Variants in EBF1 observed in about 807,000 individuals in gnomAD.
The protein encoded by EBF1 is transcription factor COE1.
EBF1 carries 10 observed loss-of-function variants against 68.4 expected under a neutral mutation model. The observed-to-expected ratio is 0.15, with a 90% confidence interval of 0.09 to 0.25. EBF1 has a LOEUF of 0.25. Among genes scored for constraint, EBF1 ranks in the 10% least tolerant of loss-of-function variants. The pLI is 1.00. For missense variants in EBF1, 509 were observed against 794.4 expected, an observed-to-expected ratio of 0.64 and a Z score of 4.32; for synonymous variants, 298 against 299.8, an observed-to-expected ratio of 0.99 and a Z score of 0.06.
chr5:158,840,461 T>G (rs79928739), intron 6 of EBF1, among the ~76,000 whole-genome samples: 7,755 of 152,238 alleles, frequency 0.051, 284 homozygotes, highest in East Asian at 0.16. Context: ...AACGACAACA[T>G]GCAGTTTAAG....
intron 9 of EBF1, among the ~76,000 whole-genome samples, chr5:158,782,876 T>G (rs901790795): frequency 3.3e-5 from 5 of 152,252 alleles, no homozygotes; most frequent in African/African-American, 1.2e-4. Context: ...GTTTTCTACC[T>G]AAGTTGCTTT....
At chr5:158,744,821 C>G (rs1435803817) in intron 10 of EBF1, among the ~76,000 whole-genome samples, 1 of 152,170 alleles carries the variant, frequency 6.6e-6, no homozygotes, top group African/African-American at 2.4e-5. Context: ...TGATGATAAA[C>G]CTTGAGCTGA....
chr5:158,752,414 T>G (rs1769122404), intron 10 of EBF1, among the ~76,000 whole-genome samples: 1 of 150,872 alleles, frequency 6.6e-6, no homozygotes, highest in African/African-American at 2.4e-5. Context: ...GCAGAAAGCT[T>G]TAGAAATGGA....
chr5:158,782,488 G>A (rs1015775017), intron 9 of EBF1, among the ~76,000 whole-genome samples: 3 of 151,482 alleles, frequency 2.0e-5, no homozygotes, highest in African/African-American at 7.3e-5. Context: ...GTAAGACCCT[G>A]TCTCTACAAA....
chr5:159,098,003 A>T (rs1439522687), intron 1 of EBF1, among the ~76,000 whole-genome samples: 4 of 152,086 alleles, frequency 2.6e-5, no homozygotes, highest in African/African-American at 9.7e-5. Flanking sequence ...CCAGTTACCC[A>T]ATTCACTCTC....
At chr5:158,924,954 G>T (rs913512487) in intron 6 of EBF1, among the ~76,000 whole-genome samples, 1 of 151,444 alleles carries the variant, frequency 6.6e-6, no homozygotes, top group Non-Finnish European at 1.5e-5. Flanking sequence ...GCTTTTAGAA[G>T]GAAATCCAAT....
chr5:158,899,714 C>G (rs897765209), intron 6 of EBF1, among the ~76,000 whole-genome samples: 1 of 152,174 alleles, frequency 6.6e-6, no homozygotes, highest in East Asian at 1.9e-4. Flanking sequence ...ACTACACAGC[C>G]AAGCCTCTTC....
At chr5:159,092,575 A>G (rs1781845500) in intron 4 of EBF1, among the ~76,000 whole-genome samples, 1 of 152,222 alleles carries the variant, frequency 6.6e-6, no homozygotes, top group Non-Finnish European at 1.5e-5. Flanking sequence ...TTCTATCTCA[A>G]TGCTGCTAAT....
intron 8 of EBF1, among the ~76,000 whole-genome samples, chr5:158,805,584 G>T (rs1340526261): frequency 6.6e-6 from 1 of 151,948 alleles, no homozygotes; most frequent in African/African-American, 2.4e-5. Context: ...TCTTTTTCTA[G>T]GAAATGTTTT....
chr5:158,954,231 C>T (rs1284836599), intron 6 of EBF1, among the ~76,000 whole-genome samples: 1 of 151,494 alleles, frequency 6.6e-6, no homozygotes, highest in African/African-American at 2.5e-5. Context: ...AAACTGAAGA[C>T]CCACCGCGAA....
chr5:158,708,145 G>T lies in EBF1; in HGVS notation c.1578C>A (p.Ser526=). 1 of 1,586,862 alleles carries T rather than the reference G, an allele frequency of 6.3e-7. No homozygotes were observed. The highest frequency in any genetic ancestry group is 2.3e-5 in the East Asian group (1 of 43,944). The change falls in exon 15 of 16, where the codon TCC becomes TCA. Residue 526 remains serine (S), a synonymous_variant. Transcript: ENST00000313708. The part of the protein sequence containing the change: ...AIVPSSPTMA[S]STSLPSNCSS... ...TGCAGTTGGAGGGGAGGCTTGTGGA[G>T]GAGGCCATGGTGGGGCTGGATGGCA...
At chr5:158,848,410 A>G (rs1041900292) in intron 6 of EBF1, among the ~76,000 whole-genome samples, 1 of 152,230 alleles carries the variant, frequency 6.6e-6, no homozygotes, top group African/African-American at 2.4e-5. Context: ...TCACTAGATT[A>G]TAGCCAATTA....
At chr5:158,874,430 A>G (rs1172009005) in intron 6 of EBF1, among the ~76,000 whole-genome samples, 2 of 152,208 alleles carry the variant, frequency 1.3e-5, no homozygotes, top group Admixed American at 6.5e-5. Flanking sequence ...GTGCAGAGAA[A>G]CTGTCACACA....
In EBF1 at chr5:158,870,835, G is replaced by T. The variant is rs77663028; in HGVS notation, c.555-30725C>A. Among the ~76,000 whole-genome samples the T allele has an allele frequency of 5.9e-3, 897 of 152,274 alleles. 15 individuals carry two copies. Among genetic ancestry groups the T allele is most frequent in the African/African-American group, 0.021 (860 of 41,550 alleles). On this transcript the variant is annotated intron_variant, in intron 6 of 15. Transcript: ENST00000313708. ...AACATAGAGTGGACAGGGCATCAGA[G>T]GACTCTGCAAGATCATGAGGAGAAT...
intron 6 of EBF1, among the ~76,000 whole-genome samples, chr5:158,896,752 G>A (rs974397663): frequency 1.3e-5 from 2 of 152,064 alleles, no homozygotes; most frequent in Non-Finnish European, 2.9e-5. Context: ...TGTCTCTGTA[G>A]GCCAAATGAC....
At chr5:158,765,518 C>A (rs368216693) in intron 10 of EBF1, among the ~76,000 whole-genome samples, 1 of 152,116 alleles carries the variant, frequency 6.6e-6, no homozygotes. Flanking sequence ...AGCTAACCAC[C>A]GAGGCTGATC....
In EBF1 at chr5:158,894,650, C is replaced by T. The variant is rs1385481604; in HGVS notation, c.555-54540G>A. Among the ~76,000 whole-genome samples the T allele has an allele frequency of 2.6e-5, 4 of 152,286 alleles. No individual in the cohort carries two copies. In the East Asian group the frequency reaches 5.8e-4, roughly 22 times the overall value. Reference sequence around the variant, plus strand: ...AAGATTAGTTGCTCTTTCAACATCACAGAGAAGAGCAGGAAGTGTGGCAGA... The same window carrying T: ...AAGATTAGTTGCTCTTTCAACATCATAGAGAAGAGCAGGAAGTGTGGCAGA... On this transcript the variant is annotated intron_variant, in intron 6 of 15. Transcript: ENST00000313708.
intron 4 of EBF1, among the ~76,000 whole-genome samples, chr5:159,085,453 G>A (rs1780457190): frequency 6.6e-6 from 1 of 152,092 alleles, no homozygotes; most frequent in Admixed American, 6.6e-5. Flanking sequence ...AGCCCAAATA[G>A]TTTTTTCTAT....
intron 6 of EBF1, among the ~76,000 whole-genome samples, chr5:158,843,877 C>T (rs1790840860): frequency 1.3e-5 from 2 of 152,108 alleles, no homozygotes; most frequent in Admixed American, 6.5e-5. Context: ...GTTTATAAGG[C>T]CTTTGTAAAC....
Sources: gnomAD v4.1 joint callset for allele counts (sites outside exome capture counted in the v4.1 genomes callset) on GRCh38, gnomAD v4.1.1 for gene constraint, MANE v1.5 for transcripts, NCBI Gene and HGNC (gene_info 2026-07-23, HGNC 2026-07-21) for gene names.